The following DUOX1 variants were observed in gnomAD, a reference collection of about 807,000 sequenced individuals.
DUOX1 encodes NADPH thyroid oxidase 1.
Under a neutral mutation model 181.8 loss-of-function variants are expected in DUOX1, and 134 were observed. The ratio of observed to expected loss-of-function variants is 0.74; its 90% CI spans 0.64 to 0.85. DUOX1 has a LOEUF of 0.85. Ranked by LOEUF, DUOX1 falls within the 40% of genes least tolerant of loss-of-function variation. The pLI is 0.00. For synonymous variants in DUOX1, 798 were observed against 832.5 expected (o/e 0.96, Z 0.71); for missense variants, 1,814 against 2,064.4 (o/e 0.88, Z 2.35).
intron 21 of DUOX1, 175 bp downstream of exon 21, chr15:45,148,622 A>C (rs1285882778): frequency 6.0e-6 from 3 of 497,518 alleles, no homozygotes; most frequent in Non-Finnish European, 9.6e-6. Flanking sequence ...TCTTTATATC[A>C]ACATAATTAT....
At chr15:45,137,004 T>C (rs1445953051) in intron 9 of DUOX1, among the ~76,000 whole-genome samples, 1 of 151,760 alleles carries the variant, frequency 6.6e-6, no homozygotes, top group African/African-American at 2.4e-5. Context: ...TTCTAAAATG[T>C]GTGCAATCTG....
intron 12 of DUOX1, 197 bp from the exon 13 acceptor site, chr15:45,140,698 A>C (rs1595580269): frequency 1.9e-6 from 1 of 521,030 alleles, no homozygotes; most frequent in East Asian, 2.9e-5. Context: ...AATGTGTGAG[A>C]GGGTTCCCAT....
In DUOX1 at chr15:45,157,656, TA is replaced by T. The variant is rs1335242963; in HGVS notation, c.3702+1732del. The stretch of plus-strand genomic sequence containing the variant: ...CAACATGGCGAAACCTCGTCTCTAC[TA>T]AAAATACAAAAATTAGCTGAGTGTG... On this transcript the variant is annotated intron_variant, in intron 28 of 33. Coordinates refer to ENST00000389037, the MANE Select transcript of DUOX1 (RefSeq NM_175940.3). 2.0e-5 allele frequency among the ~76,000 whole-genome samples: 3 copies of T among 151,816 alleles called. No individual in the cohort carries two copies. In the East Asian group the frequency reaches 5.8e-4, roughly 29 times the overall value.
At chr15:45,157,407 A>T (rs756386269) in intron 28 of DUOX1, among the ~76,000 whole-genome samples, 2 of 152,136 alleles carry the variant, frequency 1.3e-5, no homozygotes, top group Non-Finnish European at 2.9e-5. Context: ...ACTAGATGAG[A>T]GATCCAGAAG....
chr15:45,137,755 G>A (rs1056447918), intron 9 of DUOX1, among the ~76,000 whole-genome samples, 169 bp from the exon 10 acceptor site: 13 of 151,940 alleles, frequency 8.6e-5, no homozygotes, highest in Non-Finnish European at 1.9e-4. Flanking sequence ...GTTGTAGATG[G>A]GACCTTCCAA....
At chr15:45,135,325 C>T (rs778984052) in intron 5 of DUOX1, 34 bp downstream of exon 5, 3 of 1,556,766 alleles carry the variant, frequency 1.9e-6, no homozygotes, top group Non-Finnish European at 2.6e-6. Context: ...AGGGACCGCA[C>T]CCCAGCCAGG....
At chr15:45,159,283 G>A (rs1897040960) in intron 28 of DUOX1, among the ~76,000 whole-genome samples, 1 of 152,210 alleles carries the variant, frequency 6.6e-6, no homozygotes, top group South Asian at 2.1e-4. Flanking sequence ...ATGAGCAGAG[G>A]GTGACAAAAC....
chr15:45,151,131 C>T lies in DUOX1; in HGVS notation c.2897C>T (p.Pro966Leu). The change falls in exon 23 of 34, where the codon CCC becomes CTC. Residue 966 changes from proline (P) to leucine (L), a missense_variant. Physicochemically the swap from Pro to Leu is moderately conservative, Grantham distance 98. Coordinates refer to ENST00000389037, the MANE Select transcript of DUOX1 (RefSeq NM_175940.3). ...YISQDMICPS[P>L]RVSARCSRSD... ...TACCATTCTTGTCTTAGTCCCTCTC[C>T]CAGAGTGAGTGCCCGCTGTTCCCGC... 1.2e-6 allele frequency: 2 copies of T among 1,614,138 alleles called. No individual in the cohort carries two copies. The highest frequency in any genetic ancestry group is 1.7e-6 in the Non-Finnish European group (2 of 1,180,010).
rs58154992 is a variant in DUOX1 at position 45,153,494 on chromosome 15, ATGTGTGTGTGTGTGTGTGTGTGTG to A, written c.3524+45_3524+68del. 9.0e-4 allele frequency: 795 copies of A among 886,694 alleles called. 6 individuals carry two copies. The African/African-American group carries it at 0.014, about 15-fold the overall frequency. The allele number at this position is 886,694 out of a possible 1,614,324, so 54.9% of individuals were successfully genotyped here. ...CATGATGATGGGTGAGTAAGTGCGA[ATGTGTGTGTGTGTGTGTGTGTGTG>A]TGTGTGTGTGTGTGTGTGTGTGTGT... On this transcript the variant is annotated intron_variant, in intron 26 of 33. Transcript: ENST00000389037.
Position 45,162,392 on chromosome 15 carries a change from C to G in DUOX1, c.4248+15C>G. The G allele has an allele frequency of 2.5e-6, 4 of 1,609,194 alleles. No individual in the cohort carries two copies. Among genetic ancestry groups the G allele is most frequent in the Non-Finnish European group, 3.4e-6 (4 of 1,177,170 alleles). On this transcript the variant is annotated intron_variant, in intron 31 of 33. Transcript: ENST00000389037. ...TCTGTAAGAAGGTGAGTACTGCCCC[C>G]ACTTCCCACCAACCCATGGCCCCTT...
Position 45,165,085 on chromosome 15 carries a change from C to G in DUOX1, c.*184C>G, listed in dbSNP as rs1398664550. The G allele has an allele frequency of 4.7e-6, 3 of 634,716 alleles. No individual in the cohort carries two copies. The highest frequency in any genetic ancestry group is 8.1e-6 in the Non-Finnish European group (3 of 368,178). The allele number at this position is 634,716 out of a possible 1,614,324, so 39.3% of individuals were successfully genotyped here. ...AGGGACCCCCAGGACCAGGATGTGTCTCAGCCTGGAGAAATGGTGGGGGGG... is the reference window on the plus strand; with the variant it reads ...AGGGACCCCCAGGACCAGGATGTGTGTCAGCCTGGAGAAATGGTGGGGGGG... On this transcript the variant is annotated 3_prime_UTR_variant, in exon 34 of 34. Coordinates refer to ENST00000389037, the MANE Select transcript of DUOX1 (RefSeq NM_175940.3).
In DUOX1 at chr15:45,132,029, G is replaced by A; in HGVS notation, c.58+5G>A. On this transcript the variant is annotated splice_donor_5th_base_variant and intron_variant, in intron 2 of 33. Coordinates refer to ENST00000389037, the MANE Select transcript of DUOX1 (RefSeq NM_175940.3). ...TTGGGGCATGGACCCCTCTGGGTGA[G>A]TACAGATTGGAGGAGAAGCATGGTT... 2 of 1,601,050 alleles carry A rather than the reference G, an allele frequency of 1.2e-6. No homozygotes were observed. Among genetic ancestry groups the A allele is most frequent in the Non-Finnish European group, 1.7e-6 (2 of 1,176,016 alleles).
In DUOX1 at chr15:45,162,275, G is replaced by A. The variant is rs1222810754; in HGVS notation, c.4146G>A (p.Val1382=). ...ACCAGGAGTGGCATAAGTTTGAGGT[G>A]TCAGTGTTAGTGGGAGGGGGCATTG... ...EGHQEWHKFE[V]SVLVGGGIGV... is the part of the protein sequence containing the mutation. The change falls in exon 31 of 34, where the codon GTG becomes GTA. Residue 1382 remains valine (V), a synonymous_variant. Coordinates refer to ENST00000389037, the MANE Select transcript of DUOX1 (RefSeq NM_175940.3). 1 of 1,613,560 alleles carries A rather than the reference G, an allele frequency of 6.2e-7. No homozygotes were observed. Among genetic ancestry groups the A allele is most frequent in the Non-Finnish European group, 8.5e-7 (1 of 1,179,752 alleles).
At position 45,151,852 on chromosome 15, in the gene DUOX1, G is replaced by A; in HGVS notation, c.3015-22G>A. On this transcript the variant is annotated intron_variant, in intron 23 of 33. Transcript: ENST00000389037. ...TTGGGTCCCATGGTGGGTGCCAAAG[G>A]CTAAGGCTTCCTGTCTCCCAGGGTA... 11 of 1,602,108 alleles carry A rather than the reference G, an allele frequency of 6.9e-6. No homozygotes were observed. The Middle Eastern group carries it at 5.0e-4, about 73-fold the overall frequency.
chr15:45,130,587 G>A (rs1896087035), intron 1 of DUOX1, among the ~76,000 whole-genome samples: 1 of 152,190 alleles, frequency 6.6e-6, no homozygotes, highest in Non-Finnish European at 1.5e-5. Context: ...GGCTCTGCCT[G>A]GGGCTTCACT....
Position 45,150,643 on chromosome 15 carries a change from C to T in DUOX1, c.2830C>T (p.Pro944Ser). The change falls in exon 22 of 34, where the codon CCT (proline) becomes TCT (serine). Residue 944 changes from proline to serine, a missense_variant. Coordinates refer to ENST00000389037, the MANE Select transcript of DUOX1 (RefSeq NM_175940.3). ...GCTCTGCTTTGCAGGGGTGGAGGTG[C>T]CTGAAGTCATCAAGGACCTCTGCCG... ...TQLCVKGVEV[P>S]EVIKDLCRRA... 6.2e-7 allele frequency: 1 copy of T among 1,613,898 alleles called. No individual in the cohort carries two copies. The highest frequency in any genetic ancestry group is 8.5e-7 in the Non-Finnish European group (1 of 1,179,996).
chr15:45,139,874 G>T, intron 12 of DUOX1: 1 of 567,788 alleles, frequency 1.8e-6, no homozygotes. Flanking sequence ...CTTATTTACT[G>T]TTCTCTCCAC....
At chr15:45,155,569 CAA>C (rs747495934) in intron 27 of DUOX1, 14,523 of 301,740 alleles carry the variant, frequency 0.048, no homozygotes, top group Middle Eastern at 0.059. Context: ...GACTCCATCT[CAA>C]AAAAAAAAAA....
intron 29 of DUOX1, 30 bp downstream of exon 29, chr15:45,161,020 G>C: frequency 6.2e-7 from 1 of 1,613,638 alleles, no homozygotes; most frequent in South Asian, 1.1e-5. Flanking sequence ...TCAGCTTGGT[G>C]ACACTGAGGG....
Sources: gnomAD v4.1 joint callset for allele counts (sites outside exome capture counted in the v4.1 genomes callset) on GRCh38, gnomAD v4.1.1 for gene constraint, MANE v1.5 for transcripts, NCBI Gene and HGNC (gene_info 2026-07-23, HGNC 2026-07-21) for gene names.